EPC1: variants seen among roughly 807,000 people sequenced by gnomAD.
The protein encoded by EPC1 is enhancer of polycomb 1.
A neutral mutation model predicts 98.4 loss-of-function variants in EPC1; 12 were observed. That is an observed-to-expected ratio of 0.12 (90% confidence interval 0.08 to 0.20). EPC1 has a LOEUF of 0.20. Ranked by LOEUF, EPC1 falls within the 10% of genes least tolerant of loss-of-function variation. The probability of loss-of-function intolerance (pLI) is 1.00; values close to 1 mark genes in which losing one functional copy is unlikely to be tolerated. For missense variants in EPC1, 729 were observed against 990.5 expected (o/e 0.74, Z 3.54); for synonymous variants, 357 against 363.9 (o/e 0.98, Z 0.21).
chr10:32,331,463 A>C (rs1837635792), intron 1 of EPC1, among the ~76,000 whole-genome samples: 1 of 152,136 alleles, frequency 6.6e-6, no homozygotes, highest in Non-Finnish European at 1.5e-5. Context: ...TTTAATATAC[A>C]AAAGTTTATA....
At chr10:32,292,676 G>A (rs1341802864) in intron 4 of EPC1, 32 bp from the exon 5 acceptor site, 2 of 1,586,806 alleles carry the variant, frequency 1.3e-6, no homozygotes, top group East Asian at 4.5e-5. Flanking sequence ...TTTAATGTTA[G>A]TAAGTATTTC....
intron 2 of EPC1, among the ~76,000 whole-genome samples, chr10:32,297,282 CTTT>C (rs555311885): frequency 2.2e-5 from 3 of 135,340 alleles, no homozygotes; most frequent in African/African-American, 5.5e-5. Context: ...GTTAATAATT[CTTT>C]TTTTTTTTTT....
chr10:32,283,832 AC>A (rs1316468706), intron 10 of EPC1: 4 of 152,110 alleles, frequency 2.6e-5, no homozygotes, highest in African/African-American at 9.7e-5. Context: ...GGTGCCCCTA[AC>A]CCTCATGTTG....
chr10:32,293,805 G>C, intron 2 of EPC1, 68 bp from the exon 3 acceptor site: 2 of 1,416,028 alleles, frequency 1.4e-6, no homozygotes, highest in Non-Finnish European at 1.9e-6. Context: ...ACAGATGTCT[G>C]CATAAAAACA....
intron 10 of EPC1, among the ~76,000 whole-genome samples, chr10:32,276,461 G>A (rs1246815529): frequency 6.6e-6 from 1 of 152,226 alleles, no homozygotes; most frequent in East Asian, 1.9e-4. Context: ...GCAGTGAGCC[G>A]AGACCGCACC....
At chr10:32,292,792 G>T in intron 4 of EPC1, 148 bp from the exon 5 acceptor site, 2 of 870,124 alleles carry the variant, frequency 2.3e-6, no homozygotes, top group Admixed American at 3.5e-5. Flanking sequence ...AATCAATTTT[G>T]TATTGATTTT....
chr10:32,344,645 G>A (rs1838631349), intron 1 of EPC1, among the ~76,000 whole-genome samples: 1 of 152,158 alleles, frequency 6.6e-6, no homozygotes, highest in Non-Finnish European at 1.5e-5. Context: ...AATCGGCCGG[G>A]CGCGGTGGCA....
chr10:32,284,508 T>C (rs1836565695), intron 10 of EPC1, 190 bp downstream of exon 10: 1 of 492,562 alleles, frequency 2.0e-6, no homozygotes, highest in Non-Finnish European at 3.5e-6. Context: ...TATGTTTAAA[T>C]GAAGACACAC....
intron 13 of EPC1, among the ~76,000 whole-genome samples, chr10:32,270,660 G>A (rs190915393): frequency 1.3e-4 from 19 of 151,706 alleles, no homozygotes; most frequent in South Asian, 2.1e-4. Flanking sequence ...CCCCGTCCCT[G>A]CTAAAAATGC....
rs1836729815 is a variant in EPC1, at chr10:32,287,107, A to G, written c.1143T>C (p.Pro381=). The G allele has an allele frequency of 6.2e-7, 1 of 1,613,978 alleles. No individual in the cohort carries two copies. The highest frequency in any genetic ancestry group is 1.3e-5 in the African/African-American group (1 of 74,914). The change falls in exon 7 of 14, where the codon CCT becomes CCC. Residue 381 remains proline (P), a synonymous_variant. Coordinates refer to ENST00000319778, the MANE Select transcript of EPC1 (RefSeq NM_001272004.3). The part of the protein sequence containing the change: ...QYDFPSSDEE[P]LSQVLSGSSE... ...AGAATTGTATTTGTACCTGGGAGAGAGGTTCTTCGTCTGAGCTGGGAAAGT... is the reference window on the plus strand; with the variant it reads ...AGAATTGTATTTGTACCTGGGAGAGGGGTTCTTCGTCTGAGCTGGGAAAGT...
At chr10:32,370,714 T>C (rs1416674482) in intron 1 of EPC1, among the ~76,000 whole-genome samples, 3 of 152,210 alleles carry the variant, frequency 2.0e-5, no homozygotes, top group Non-Finnish European at 4.4e-5. Context: ...AGCTACTAGC[T>C]GGGTGTAGCT....
At chr10:32,270,694 G>A (rs928509024) in intron 13 of EPC1, among the ~76,000 whole-genome samples, 5 of 151,770 alleles carry the variant, frequency 3.3e-5, no homozygotes, top group African/African-American at 1.2e-4. Context: ...GCATCGCGGT[G>A]TATGCCTGTA....
At chr10:32,292,851 T>G in intron 4 of EPC1, 137 bp downstream of exon 4, 2 of 757,912 alleles carry the variant, frequency 2.6e-6, no homozygotes, top group Non-Finnish European at 3.9e-6. Flanking sequence ...ATAATAAATC[T>G]TAAGTTCAAT....
At chr10:32,312,288 G>C (rs928899622) in intron 1 of EPC1, among the ~76,000 whole-genome samples, 1 of 152,150 alleles carries the variant, frequency 6.6e-6, no homozygotes, top group Non-Finnish European at 1.5e-5. Flanking sequence ...GTAGTAAATG[G>C]ACCACACTTT....
upstream of EPC1, among the ~76,000 whole-genome samples, chr10:32,349,741 A>G (rs533125509): frequency 6.6e-6 from 1 of 152,272 alleles, no homozygotes; most frequent in East Asian, 1.9e-4. Context: ...CTGGGACTAA[A>G]GGTACATGCC....
At chr10:32,347,715 T>C (rs73247756), upstream of EPC1, among the ~76,000 whole-genome samples, 4,950 of 152,292 alleles carry the variant, frequency 0.033, 273 homozygotes, top group African/African-American at 0.11. Flanking sequence ...CCGCGGCGCC[T>C]TAGGTCTTTA....
intron 1 of EPC1, among the ~76,000 whole-genome samples, chr10:32,365,153 GCTTAAACAAAATGGT>G (rs1839563696): frequency 6.6e-6 from 1 of 152,104 alleles, no homozygotes; most frequent in African/African-American, 2.4e-5. Flanking sequence ...GACACTTGAC[GCTTAAACAAAATGGT>G]CTTACAGGAT....
At chr10:32,305,615 TATC>T (rs1171171146) in intron 2 of EPC1, among the ~76,000 whole-genome samples, 154 bp downstream of exon 2, 2 of 152,016 alleles carry the variant, frequency 1.3e-5, no homozygotes, top group African/African-American at 4.8e-5. Flanking sequence ...ATATCTCAAA[TATC>T]ATTTTAAAAG....
intron 11 of EPC1, chr10:32,272,935 G>A: frequency 8.4e-7 from 1 of 1,194,486 alleles, no homozygotes; most frequent in Middle Eastern, 2.0e-4. Flanking sequence ...CGGGAAGACA[G>A]TATCTTCATC....
Sources: allele counts gnomAD v4.1 joint callset (sites outside exome capture counted in the v4.1 genomes callset), GRCh38; gene constraint gnomAD v4.1.1; transcripts MANE v1.5; gene names NCBI Gene and HGNC (gene_info 2026-07-23, HGNC 2026-07-21).